Variants in MBP observed in about 807,000 individuals in gnomAD.
MBP encodes the protein Golli-MBP.
MBP carries 16 observed loss-of-function variants against 35.8 expected under a neutral mutation model. The observed-to-expected ratio is 0.45, with a 90% CI of 0.30 to 0.68. The LOEUF (loss-of-function observed/expected upper bound fraction) is 0.68. Among genes scored for constraint, MBP ranks in the 30% least tolerant of loss-of-function variants. MBP has a pLI of 0.08. For missense variants in MBP, 380 were observed against 404.7 expected (o/e 0.94, Z 0.52); for synonymous variants, 143 against 159.6 (o/e 0.90, Z 0.78).
At chr18:77,026,251 C>G (rs1972218166) in intron 3 of MBP, among the ~76,000 whole-genome samples, 2 of 152,264 alleles carry the variant, frequency 1.3e-5, no homozygotes, top group Non-Finnish European at 2.9e-5. Flanking sequence ...CAACCGGAGG[C>G]AGAGCGCGGG....
intron 8 of MBP, chr18:76,981,771 T>C (rs953472223): frequency 1.3e-5 from 2 of 152,354 alleles, no homozygotes; most frequent in Non-Finnish European, 2.9e-5. Flanking sequence ...GCGTGGGTTT[T>C]TCCTGTTTGA....
intron 2 of MBP, among the ~76,000 whole-genome samples, chr18:77,096,119 G>A (rs1222867404): frequency 3.3e-5 from 5 of 152,352 alleles, no homozygotes; most frequent in South Asian, 2.1e-4. Context: ...AGGAATGGCC[G>A]TGAGAAAATA....
At chr18:76,987,644 T>TTAAA in intron 7 of MBP, 3 of 986,372 alleles carry the variant, frequency 3.0e-6, no homozygotes, top group Non-Finnish European at 3.6e-6. Flanking sequence ...AGGTAGGCTC[T>TTAAA]GTTCTAGCGT....
At chr18:77,014,692 T>A in intron 4 of MBP, 1 of 985,400 alleles carries the variant, frequency 1.0e-6, no homozygotes, top group Non-Finnish European at 1.2e-6. Context: ...TCATCTCCCA[T>A]GTTTACAACA....
intron 2 of MBP, among the ~76,000 whole-genome samples, chr18:77,072,687 G>A (rs1599186259): frequency 6.6e-6 from 1 of 152,150 alleles, no homozygotes; most frequent in Non-Finnish European, 1.5e-5. Context: ...AACCATCAAA[G>A]CCACTTCTCA....
At chr18:77,130,306 G>A (rs555732137) in intron 1 of MBP, among the ~76,000 whole-genome samples, 2 of 151,218 alleles carry the variant, frequency 1.3e-5, no homozygotes, top group African/African-American at 4.8e-5. Flanking sequence ...GCAGCAGTCA[G>A]GCGCTGGTGC....
At chr18:77,096,035 T>C (rs1434468864) in intron 2 of MBP, among the ~76,000 whole-genome samples, 1 of 152,172 alleles carries the variant, frequency 6.6e-6, no homozygotes, top group African/African-American at 2.4e-5. Flanking sequence ...AGAACAGAAC[T>C]CACTAAAGAT....
chr18:77,027,308 G>A (rs1369836900), intron 3 of MBP, among the ~76,000 whole-genome samples: 1 of 152,224 alleles, frequency 6.6e-6, no homozygotes, highest in Non-Finnish European at 1.5e-5. Flanking sequence ...AATACACTTA[G>A]CTTCATTAAA....
chr18:77,079,742 G>A (rs1035948714), intron 2 of MBP, among the ~76,000 whole-genome samples: 5 of 151,790 alleles, frequency 3.3e-5, no homozygotes, highest in Non-Finnish European at 5.9e-5. Flanking sequence ...TCTCTCTCTC[G>A]CTTTCTCTAG....
At chr18:77,021,540 A>G (rs889222175) in intron 3 of MBP, among the ~76,000 whole-genome samples, 10 of 133,314 alleles carry the variant, frequency 7.5e-5, no homozygotes, top group African/African-American at 2.4e-4. Context: ...TTGGAGTGTG[A>G]TGGCACAATC....
At chr18:77,046,995 G>A (rs980348316) in intron 3 of MBP, among the ~76,000 whole-genome samples, 5 of 152,232 alleles carry the variant, frequency 3.3e-5, no homozygotes, top group African/African-American at 1.2e-4. Context: ...AGGTCAACCA[G>A]GCAGCAGAGA....
intron 1 of MBP, chr18:77,110,435 G>A (rs551167803): frequency 7.9e-5 from 12 of 151,826 alleles, no homozygotes; most frequent in Non-Finnish European, 1.6e-4. Flanking sequence ...TATAGATCAG[G>A]GGGCAAAAAC....
chr18:76,979,128 T>G lies in MBP; in HGVS notation c.*1299A>C, dbSNP rs1192256573. ...AGACGCGTTTTGGCATCACGCTGAC[T>G]ACTCCTCATCTCCGTCCTCGGGGAG... On this transcript the variant is annotated 3_prime_UTR_variant, in exon 9 of 9. Transcript: ENST00000355994. 2 of 152,204 alleles carry G rather than the reference T, an allele frequency of 1.3e-5. No homozygotes were observed. Among genetic ancestry groups the G allele is most frequent in the Non-Finnish European group, 2.9e-5 (2 of 68,048 alleles). 9.4% of individuals were successfully genotyped at this position (152,204 alleles called of 1,614,324 possible). A position where few individuals can be genotyped will look rare whatever the true frequency, so the allele number is the denominator to read the frequency against.
chr18:77,026,439 A>G (rs984574472), intron 3 of MBP, among the ~76,000 whole-genome samples: 3 of 151,848 alleles, frequency 2.0e-5, no homozygotes, highest in Admixed American at 6.6e-5. Context: ...CACCTTCTCC[A>G]CGAAGGCAAT....
At chr18:77,099,439 G>C (rs1166610054) in intron 2 of MBP, among the ~76,000 whole-genome samples, 1 of 152,244 alleles carries the variant, frequency 6.6e-6, no homozygotes, top group Non-Finnish European at 1.5e-5. Flanking sequence ...TTTTTATATG[G>C]ATTCTATGCT....
intron 1 of MBP, among the ~76,000 whole-genome samples, chr18:77,132,288 C>T (rs1187562277): frequency 6.6e-6 from 1 of 152,188 alleles, no homozygotes; most frequent in Non-Finnish European, 1.5e-5. Flanking sequence ...ACACCCGCGC[C>T]CAGCCCCCGC....
At chr18:77,013,154 G>A (rs1273632733) in intron 4 of MBP, 5 of 985,282 alleles carry the variant, frequency 5.1e-6, no homozygotes. Flanking sequence ...GTATTTGTTT[G>A]GGTGCAGAAA....
At chr18:77,132,014 G>C (rs1303444190) in intron 1 of MBP, among the ~76,000 whole-genome samples, 1 of 152,140 alleles carries the variant, frequency 6.6e-6, no homozygotes, top group South Asian at 2.1e-4. Context: ...GCAGGAGCGC[G>C]ATCGCGCGCG....
chr18:77,128,459 G>A (rs886938381), intron 1 of MBP, among the ~76,000 whole-genome samples: 1 of 152,058 alleles, frequency 6.6e-6, no homozygotes, highest in Non-Finnish European at 1.5e-5. Flanking sequence ...CCTCTGATGT[G>A]TTGGTGGTCA....
Sources: allele counts gnomAD v4.1 joint callset (sites outside exome capture counted in the v4.1 genomes callset), GRCh38; gene constraint gnomAD v4.1.1; transcripts MANE v1.5; gene names NCBI Gene and HGNC (gene_info 2026-07-23, HGNC 2026-07-21).